Variants in UBE2V2 observed in about 807,000 individuals in gnomAD.
UBE2V2 encodes the protein ubiquitin-conjugating enzyme E2 variant 2.
A neutral mutation model predicts 17.2 loss-of-function variants in UBE2V2; 9 were observed. The observed-to-expected ratio is 0.52, with a 90% confidence interval of 0.32 to 0.91. The LOEUF is 0.91. UBE2V2 is among the 40% of genes least tolerant of loss of function. UBE2V2 has a pLI of 0.04. For synonymous variants in UBE2V2, 61 were observed against 57.5 expected, an observed-to-expected ratio of 1.06 and a Z score of -0.28; for missense variants, 133 against 182.6, an observed-to-expected ratio of 0.73 and a Z score of 1.56.
intron 1 of UBE2V2, among the ~76,000 whole-genome samples, chr8:48,039,737 T>C (rs975562831): frequency 1.2e-4 from 19 of 152,172 alleles, no homozygotes; most frequent in Admixed American, 5.2e-4. Flanking sequence ...CTACTTTTTT[T>C]TTCCTTCTCT....
intron 1 of UBE2V2, chr8:48,041,767 C>T (rs553194534): frequency 6.6e-6 from 1 of 151,842 alleles, no homozygotes; most frequent in East Asian, 1.9e-4. Flanking sequence ...TCTTAAAAAG[C>T]AGACACACTT....
At chr8:48,021,039 C>T (rs1399254259) in intron 1 of UBE2V2, among the ~76,000 whole-genome samples, 1 of 151,026 alleles carries the variant, frequency 6.6e-6, no homozygotes, top group African/African-American at 2.4e-5. Context: ...ATCCACTCTG[C>T]TGGCTTGTTA....
chr8:48,003,710 G>T (rs750747188), upstream of UBE2V2, among the ~76,000 whole-genome samples: 3 of 152,074 alleles, frequency 2.0e-5, no homozygotes, highest in Non-Finnish European at 2.9e-5. Context: ...TAACTTCTTA[G>T]TACAGACTAA....
chr8:48,026,762 G>A (rs1244032307), intron 1 of UBE2V2, among the ~76,000 whole-genome samples: 1 of 152,002 alleles, frequency 6.6e-6, no homozygotes, highest in African/African-American at 2.4e-5. Flanking sequence ...ATGTTTTTAT[G>A]GCTGAAGAAT....
chr8:48,024,908 T>C (rs1019958156), intron 1 of UBE2V2, among the ~76,000 whole-genome samples: 1 of 152,026 alleles, frequency 6.6e-6, no homozygotes, highest in Non-Finnish European at 1.5e-5. Context: ...TGCAGGTAAA[T>C]ACATATATAT....
chr8:48,012,971 G>A (rs146119355), intron 1 of UBE2V2, among the ~76,000 whole-genome samples: 97 of 150,612 alleles, frequency 6.4e-4, no homozygotes, highest in African/African-American at 2.3e-3. Flanking sequence ...TCAGCCTCCC[G>A]AGTAGCTGGG....
chr8:48,011,674 C>T (rs191083392), intron 1 of UBE2V2, among the ~76,000 whole-genome samples: 127 of 152,244 alleles, frequency 8.3e-4, no homozygotes, highest in African/African-American at 2.8e-3. Flanking sequence ...CTTTTTGAGA[C>T]GGAGTCTTGC....
chr8:48,015,895 GTTTTTTTTTTTTTT>G (rs1168641766), intron 1 of UBE2V2, among the ~76,000 whole-genome samples: 1 of 132,216 alleles, frequency 7.6e-6, no homozygotes, highest in Non-Finnish European at 1.6e-5. Context: ...TGTCTGTGTG[GTTTTTTTTTTTTTT>G]TTTTTTGAGA....
At chr8:48,003,026 AT>A in the UBE2V2 span, among the ~76,000 whole-genome samples, 2 of 152,240 alleles carry the variant, frequency 1.3e-5, no homozygotes, top group Admixed American at 1.3e-4. Flanking sequence ...CCTGGCCAAC[AT>A]GGTGAAACCC....
In UBE2V2 at chr8:48,061,576, G is replaced by A. The variant is rs917200331; in HGVS notation, c.*748G>A. The A allele has an allele frequency of 6.6e-6, 1 of 152,616 alleles. No individual in the cohort carries two copies. Among genetic ancestry groups the A allele is most frequent in the Non-Finnish European group, 1.5e-5 (1 of 68,024 alleles). The allele number at this position is 152,616 out of a possible 1,614,324, so 9.5% of individuals were successfully genotyped here. ...AATGTGAAACGTGTCCTCAGAGACT[G>A]TGCCATTTCTATTATGTTGATGTAT... is the stretch of plus-strand genomic sequence containing the variant. On this transcript the variant is annotated 3_prime_UTR_variant, in exon 4 of 4. Transcript: ENST00000523111.
chr8:48,029,869 T>A (rs993604826), intron 1 of UBE2V2, among the ~76,000 whole-genome samples: 1 of 152,246 alleles, frequency 6.6e-6, no homozygotes, highest in Non-Finnish European at 1.5e-5. Flanking sequence ...TACAGCTTCC[T>A]GGACTCACAG....
At chr8:48,014,976 G>T (rs1589849569) in intron 1 of UBE2V2, among the ~76,000 whole-genome samples, 1 of 151,140 alleles carries the variant, frequency 6.6e-6, no homozygotes, top group South Asian at 2.1e-4. Context: ...CATGAACCCG[G>T]GAGGCGGAGC....
intron 3 of UBE2V2, among the ~76,000 whole-genome samples, chr8:48,058,087 G>T (rs1329646178): frequency 2.0e-5 from 3 of 152,086 alleles, no homozygotes; most frequent in Non-Finnish European, 4.4e-5. Context: ...TAATCCCAGT[G>T]GTTTGTGAGG....
chr8:48,022,179 C>T (rs1563850767), intron 1 of UBE2V2, among the ~76,000 whole-genome samples: 1 of 151,124 alleles, frequency 6.6e-6, no homozygotes, highest in Non-Finnish European at 1.5e-5. Context: ...TTCTTGTCAC[C>T]CAGGCTGGAG....
At chr8:48,014,369 G>C (rs1172732637) in intron 1 of UBE2V2, among the ~76,000 whole-genome samples, 3 of 152,176 alleles carry the variant, frequency 2.0e-5, no homozygotes, top group Non-Finnish European at 4.4e-5. Context: ...AAAGGGCCGG[G>C]CATGGTGGCT....
intron 2 of UBE2V2, among the ~76,000 whole-genome samples, chr8:48,046,024 G>A (rs1427634521): frequency 6.6e-6 from 1 of 152,144 alleles, no homozygotes; most frequent in African/African-American, 2.4e-5. Context: ...TCAGATCACC[G>A]CAACCTCCGC....
chr8:48,049,891 A>G lies in UBE2V2; in HGVS notation c.204A>G (p.Glu68=). Residue 68 remains glutamate (E), a synonymous_variant, in exon 3 of 4, where the codon GAA becomes GAG. Transcript: ENST00000523111. ...ACAGAATATATAGCCTGAAAGTAGA[A>G]TGTGGACCTAAATACCCAGAAGCTC... ...YENRIYSLKV[E]CGPKYPEAPP... is the part of the protein sequence containing the mutation. 6.3e-7 allele frequency: 1 copy of G among 1,593,536 alleles called. No homozygotes were observed.
chr8:48,041,215 A>G (rs1044665460), intron 1 of UBE2V2, among the ~76,000 whole-genome samples: 5 of 139,150 alleles, frequency 3.6e-5, no homozygotes, highest in African/African-American at 1.4e-4. Flanking sequence ...TCTGTCGTCT[A>G]GGCTGGAGTG....
chr8:48,041,192 GAC>G (rs1337730780), intron 1 of UBE2V2, among the ~76,000 whole-genome samples: 1 of 127,558 alleles, frequency 7.8e-6, no homozygotes, highest in African/African-American at 3.3e-5. Context: ...TTTTTTTTAA[GAC>G]AGAGTCTCGC....
Sources: allele counts gnomAD v4.1 joint callset (sites outside exome capture counted in the v4.1 genomes callset), GRCh38; gene constraint gnomAD v4.1.1; transcripts MANE v1.5; gene names NCBI Gene and HGNC (gene_info 2026-07-23, HGNC 2026-07-21).